Variants in BLTP3A observed in about 807,000 individuals in gnomAD.
BLTP3A encodes bridge-like lipid transfer protein family member 3A.
chr6:34,875,040 G>A, the BLTP3A span: 2 of 152,638 alleles, frequency 1.3e-5, no homozygotes, highest in African/African-American at 2.4e-5. Flanking sequence ...ACTAGCTCTA[G>A]GGCTCTATCT....
At chr6:34,809,371 C>T in the BLTP3A span, among the ~76,000 whole-genome samples, 16 of 152,196 alleles carry the variant, frequency 1.1e-4, no homozygotes, top group South Asian at 2.1e-4. Context: ...CCAGCCTGAG[C>T]TACAGAGCAA....
the BLTP3A span, among the ~76,000 whole-genome samples, chr6:34,865,799 A>G: frequency 6.6e-6 from 1 of 152,216 alleles, no homozygotes; most frequent in Non-Finnish European, 1.5e-5. Flanking sequence ...GGTGGCATGT[A>G]CCATGTTTGT....
the BLTP3A span, chr6:34,863,923 G>A: frequency 7.3e-7 from 1 of 1,361,968 alleles, no homozygotes; most frequent in African/African-American, 1.5e-5. Flanking sequence ...TGAGCTGAAA[G>A]GGATGGGTAT....
the BLTP3A span, among the ~76,000 whole-genome samples, chr6:34,835,096 C>T: frequency 6.6e-6 from 1 of 152,084 alleles, no homozygotes; most frequent in African/African-American, 2.4e-5. Context: ...CTGACATAGG[C>T]ACCTGGCAGT....
chr6:34,835,247 G>A, the BLTP3A span: 1 of 1,580,238 alleles, frequency 6.3e-7, no homozygotes, highest in Non-Finnish European at 8.6e-7. Flanking sequence ...TTTGAAAGTT[G>A]GAATGATACG....
chr6:34,855,715 T>A, the BLTP3A span: 1 of 1,613,274 alleles, frequency 6.2e-7, no homozygotes, highest in South Asian at 1.1e-5. Context: ...TTAGGAAAAC[T>A]CTGAATGGGG....
the BLTP3A span, among the ~76,000 whole-genome samples, chr6:34,799,342 TAGCC>T: frequency 2.9e-4 from 44 of 152,174 alleles, no homozygotes; most frequent in East Asian, 7.7e-4. Flanking sequence ...AAAATTTAAA[TAGCC>T]AGGCATGGTG....
chr6:34,834,399 G>A, the BLTP3A span: 35 of 1,612,816 alleles, frequency 2.2e-5, no homozygotes, highest in Non-Finnish European at 2.6e-5. Context: ...GACCCCTGCC[G>A]AGGAGAGGTG....
At chr6:34,851,229 A>C in the BLTP3A span, among the ~76,000 whole-genome samples, 4 of 152,098 alleles carry the variant, frequency 2.6e-5, no homozygotes, top group South Asian at 6.2e-4. Context: ...GGCATTAAAG[A>C]GTTAGGTATT....
chr6:34,806,703 C>T, the BLTP3A span, among the ~76,000 whole-genome samples: 1 of 152,138 alleles, frequency 6.6e-6, no homozygotes, highest in African/African-American at 2.4e-5. Flanking sequence ...GCTCTGTTAC[C>T]CAGGCTGGAG....
the BLTP3A span, chr6:34,857,534 G>A: frequency 6.4e-7 from 1 of 1,572,616 alleles, no homozygotes; most frequent in South Asian, 1.2e-5. Context: ...CAGCCTTGGG[G>A]CCACTACGTA....
the BLTP3A span, chr6:34,821,971 G>C: frequency 6.2e-7 from 1 of 1,614,194 alleles, no homozygotes; most frequent in Non-Finnish European, 8.5e-7. Context: ...GACCTTTCTT[G>C]ATTGCAAGTT....
the BLTP3A span, among the ~76,000 whole-genome samples, chr6:34,816,832 A>G: frequency 1.3e-5 from 2 of 152,180 alleles, no homozygotes; most frequent in African/African-American, 4.8e-5. Context: ...GCAGTCTTCA[A>G]AACTCATTCT....
the BLTP3A span, among the ~76,000 whole-genome samples, chr6:34,845,184 G>T: frequency 6.6e-6 from 1 of 152,078 alleles, no homozygotes; most frequent in African/African-American, 2.4e-5. Flanking sequence ...GTATGGATTT[G>T]TTTCTGAGTT....
At chr6:34,848,530 C>T in the BLTP3A span, among the ~76,000 whole-genome samples, 3 of 150,204 alleles carry the variant, frequency 2.0e-5, no homozygotes, top group South Asian at 2.1e-4. Flanking sequence ...CACTTGAACC[C>T]GGGAGGTGGA....
the BLTP3A span, among the ~76,000 whole-genome samples, chr6:34,841,339 G>C: frequency 6.6e-6 from 1 of 152,012 alleles, no homozygotes; most frequent in African/African-American, 2.4e-5. Context: ...AAAGTGTTGG[G>C]ATTACAGGCG....
the BLTP3A span, chr6:34,859,093 G>T: frequency 6.2e-7 from 1 of 1,614,196 alleles, no homozygotes; most frequent in Non-Finnish European, 8.5e-7. Flanking sequence ...TCCTTCAGAG[G>T]ATCGGGAACT....
chr6:34,869,940 T>C, the BLTP3A span, among the ~76,000 whole-genome samples: 12,338 of 152,206 alleles, frequency 0.081, 771 homozygotes, highest in East Asian at 0.24. Flanking sequence ...TGAGCCACTG[T>C]GCACGGCACT....
At chr6:34,839,640 G>A in the BLTP3A span, among the ~76,000 whole-genome samples, 3 of 152,212 alleles carry the variant, frequency 2.0e-5, no homozygotes, top group Non-Finnish European at 2.9e-5. Flanking sequence ...ACACTCGGTC[G>A]GTGGGGTGGG....
Sources: allele counts gnomAD v4.1 joint callset (sites outside exome capture counted in the v4.1 genomes callset), GRCh38; gene constraint gnomAD v4.1.1; transcripts MANE v1.5; gene names NCBI Gene and HGNC (gene_info 2026-07-23, HGNC 2026-07-21).